ACACA: variants seen among roughly 807,000 people sequenced by gnomAD.
ACACA encodes acetyl-CoA carboxylase 1.
ACACA carries 103 observed loss-of-function variants against 296.1 expected under a neutral mutation model. The ratio of observed to expected loss-of-function variants is 0.35; its 90% CI spans 0.30 to 0.41. The LOEUF (loss-of-function observed/expected upper bound fraction) is 0.41, where lower values mean the gene tolerates loss of function less well. Ranked by LOEUF, ACACA falls within the 10% of genes least tolerant of loss-of-function variation. The pLI is 1.00. For missense variants in ACACA, 1,554 were observed against 2,989.7 expected, an observed-to-expected ratio of 0.52 and a Z score of 11.20; for synonymous variants, 953 against 1,038.6, an observed-to-expected ratio of 0.92 and a Z score of 1.58.
At chr17:37,311,758 G>C (rs1305890481) in intron 3 of ACACA, among the ~76,000 whole-genome samples, 1 of 151,880 alleles carries the variant, frequency 6.6e-6, no homozygotes, top group Non-Finnish European at 1.5e-5. Context: ...TGTAATCCCA[G>C]CTACTCGGGA....
intron 1 of ACACA, among the ~76,000 whole-genome samples, chr17:37,401,178 T>C (rs2051273356): frequency 6.6e-6 from 1 of 151,722 alleles, no homozygotes; most frequent in African/African-American, 2.4e-5. Context: ...TATTTGCATG[T>C]CTTTTTCTTT....
At chr17:37,180,309 A>G (rs2077270075) in intron 40 of ACACA, among the ~76,000 whole-genome samples, 1 of 152,224 alleles carries the variant, frequency 6.6e-6, no homozygotes, top group Non-Finnish European at 1.5e-5. Context: ...ATCTTTCAGG[A>G]GACAGAACTT....
chr17:37,343,883 A>C (rs1427252241), intron 1 of ACACA, among the ~76,000 whole-genome samples: 1 of 152,032 alleles, frequency 6.6e-6, no homozygotes, highest in Admixed American at 6.6e-5. Context: ...GATTACAGAA[A>C]ATTTTATTTT....
intron 34 of ACACA, 83 bp from the exon 35 acceptor site, chr17:37,200,266 A>G (rs548707270): frequency 2.0e-5 from 28 of 1,395,542 alleles, no homozygotes; most frequent in Non-Finnish European, 2.7e-5. Context: ...TGAGTAAAAG[A>G]TGATGAGTTA....
chr17:37,336,350 G>C (rs1021335133), intron 2 of ACACA, among the ~76,000 whole-genome samples: 4 of 152,098 alleles, frequency 2.6e-5, no homozygotes, highest in Non-Finnish European at 5.9e-5. Flanking sequence ...TGTTGAGAGG[G>C]GGGACTGAGA....
At chr17:37,096,225 G>A (rs2072982300) in intron 54 of ACACA, among the ~76,000 whole-genome samples, 1 of 152,156 alleles carries the variant, frequency 6.6e-6, no homozygotes, top group Non-Finnish European at 1.5e-5. Flanking sequence ...TCACTCCACT[G>A]CTTAAAATAC....
chr17:37,355,369 AAC>A (rs1370664069), intron 1 of ACACA, among the ~76,000 whole-genome samples: 2 of 151,832 alleles, frequency 1.3e-5, no homozygotes, highest in African/African-American at 4.8e-5. Context: ...CAGGCTGGCC[AAC>A]ACAGTGAATC....
At chr17:37,197,355 C>A (rs765599141) in intron 35 of ACACA, among the ~76,000 whole-genome samples, 10 of 152,196 alleles carry the variant, frequency 6.6e-5, no homozygotes, top group Non-Finnish European at 1.2e-4. Flanking sequence ...AACCAATGTG[C>A]TTGAATCAAA....
At chr17:37,284,757 G>T in intron 4 of ACACA, 81 bp downstream of exon 4, 1 of 1,589,218 alleles carries the variant, frequency 6.3e-7, no homozygotes, top group South Asian at 1.1e-5. Flanking sequence ...TATCAATTGG[G>T]AGCAAATCTA....
intron 3 of ACACA, among the ~76,000 whole-genome samples, chr17:37,320,615 A>G (rs1266181086): frequency 6.6e-6 from 1 of 151,840 alleles, no homozygotes; most frequent in Non-Finnish European, 1.5e-5. Flanking sequence ...CACCTTGGGC[A>G]TGTTATTTAA....
chr17:37,233,196 A>C (rs1403555184), intron 25 of ACACA, among the ~76,000 whole-genome samples: 2 of 152,222 alleles, frequency 1.3e-5, no homozygotes, highest in Admixed American at 6.5e-5. Context: ...TGGACTCTGA[A>C]GAAAATTGAA....
chr17:37,278,578 T>A (rs1300513304), intron 5 of ACACA, among the ~76,000 whole-genome samples: 1 of 152,366 alleles, frequency 6.6e-6, no homozygotes, highest in East Asian at 1.9e-4. Context: ...CATATATATT[T>A]GTTGTACAGT....
intron 35 of ACACA, among the ~76,000 whole-genome samples, chr17:37,198,933 T>C (rs2078122812): frequency 6.6e-6 from 1 of 152,202 alleles, no homozygotes; most frequent in Admixed American, 6.5e-5. Context: ...CCAAATTATC[T>C]TAATTGCTAA....
intron 42 of ACACA, 163 bp downstream of exon 42, chr17:37,161,618 T>C (rs2144429928): frequency 1.2e-6 from 1 of 803,428 alleles, no homozygotes; most frequent in South Asian, 1.9e-5. Context: ...TAATTTGTCT[T>C]TAATATGGTG....
intron 41 of ACACA, among the ~76,000 whole-genome samples, chr17:37,178,990 G>A (rs2077221341): frequency 6.6e-6 from 1 of 152,020 alleles, no homozygotes; most frequent in Non-Finnish European, 1.5e-5. Context: ...AAATGTCTTA[G>A]TCTGTATCTC....
At chr17:37,216,197 T>TAC (rs2078987293) in intron 29 of ACACA, among the ~76,000 whole-genome samples, 4 of 146,100 alleles carry the variant, frequency 2.7e-5, no homozygotes, top group Middle Eastern at 3.5e-3. Flanking sequence ...CACGTGTGTG[T>TAC]GTGTGTGTGT....
chr17:37,302,324 C>T (rs1344221715), intron 3 of ACACA, among the ~76,000 whole-genome samples: 5 of 152,126 alleles, frequency 3.3e-5, no homozygotes, highest in African/African-American at 9.7e-5. Flanking sequence ...ATTCTCCCGC[C>T]TCAGCCTCCC....
intron 45 of ACACA, chr17:37,144,241 T>C: frequency 1.4e-6 from 1 of 697,992 alleles, no homozygotes; most frequent in South Asian, 1.4e-5. Context: ...GCACAAAAAA[T>C]GCGTATGACA....
chr17:37,283,550 T>G, intron 4 of ACACA, 145 bp from the exon 5 acceptor site: 1 of 1,028,590 alleles, frequency 9.7e-7, no homozygotes, highest in Non-Finnish European at 1.4e-6. Context: ...TGGTCCAGAC[T>G]GTTAGAAACT....
Sources: allele counts gnomAD v4.1 joint callset (sites outside exome capture counted in the v4.1 genomes callset), GRCh38; gene constraint gnomAD v4.1.1; transcripts MANE v1.5; gene names NCBI Gene and HGNC (gene_info 2026-07-23, HGNC 2026-07-21).